ANAPC10: variants seen among roughly 807,000 people sequenced by gnomAD.
ANAPC10 encodes the protein anaphase-promoting complex subunit 10.
ANAPC10 carries 12 observed loss-of-function variants against 22.0 expected under a neutral mutation model. The ratio of observed to expected loss-of-function variants is 0.55; its 90% confidence interval spans 0.35 to 0.88. The LOEUF (loss-of-function observed/expected upper bound fraction) is 0.88. Ranked by LOEUF, ANAPC10 falls within the 40% of genes least tolerant of loss-of-function variation. The pLI is 0.01. For missense variants in ANAPC10, 188 were observed against 220.9 expected, an observed-to-expected ratio of 0.85 and a Z score of 0.94; for synonymous variants, 65 against 69.5, an observed-to-expected ratio of 0.94 and a Z score of 0.32.
At chr4:145,036,319 G>A (rs1399988146) in intron 4 of ANAPC10, among the ~76,000 whole-genome samples, 11 of 152,072 alleles carry the variant, frequency 7.2e-5, no homozygotes, top group East Asian at 1.9e-4. Context: ...ATATAGATAC[G>A]TACACGTTAT....
intron 3 of ANAPC10, among the ~76,000 whole-genome samples, chr4:145,072,790 T>C (rs978811127): frequency 1.3e-5 from 2 of 152,194 alleles, no homozygotes; most frequent in East Asian, 3.8e-4. Flanking sequence ...TAATTCAATA[T>C]GTAGGTGACT....
At chr4:145,054,241 C>T (rs949135119) in intron 4 of ANAPC10, among the ~76,000 whole-genome samples, 1 of 150,984 alleles carries the variant, frequency 6.6e-6, no homozygotes, top group Admixed American at 6.6e-5. Context: ...ACATGTTAGT[C>T]GCCAGAAATA....
intron 4 of ANAPC10, among the ~76,000 whole-genome samples, chr4:145,025,421 A>T (rs1321242347): frequency 6.7e-6 from 1 of 149,416 alleles, no homozygotes; most frequent in African/African-American, 2.5e-5. Flanking sequence ...ACACTTAGAG[A>T]CCATTGTCAA....
chr4:145,075,812 C>G (rs1036753978), intron 3 of ANAPC10, among the ~76,000 whole-genome samples: 27 of 152,102 alleles, frequency 1.8e-4, no homozygotes, highest in African/African-American at 5.3e-4. Flanking sequence ...CTGTGTGGAG[C>G]CCAGAGGGTT....
rs1185249217 is a variant in ANAPC10 at position 144,994,776 on chromosome 4, C to G, written c.*597G>C. 1 of 152,010 alleles carries G rather than the reference C, an allele frequency of 6.6e-6. No homozygotes were observed. Among genetic ancestry groups the G allele is most frequent in the Non-Finnish European group, 1.5e-5 (1 of 68,008 alleles). 9.4% of individuals were successfully genotyped at this position (152,010 alleles called of 1,614,324 possible). On this transcript the variant is annotated 3_prime_UTR_variant, in exon 5 of 5. Transcript: ENST00000507656. ...ATAATATCATTAGGATACAGACAAC[C>G]CTAGGGCTGTAAGTATTCCGTGAAG...
intron 2 of ANAPC10, among the ~76,000 whole-genome samples, chr4:145,091,548 C>T (rs902204723): frequency 1.3e-5 from 2 of 152,116 alleles, no homozygotes; most frequent in Non-Finnish European, 2.9e-5. Flanking sequence ...GAAATCACCG[C>T]TACAGTATTC....
intron 4 of ANAPC10, among the ~76,000 whole-genome samples, chr4:145,001,907 CA>C (rs1348231539): frequency 2.6e-5 from 4 of 151,936 alleles, no homozygotes; most frequent in Admixed American, 2.6e-4. Flanking sequence ...GCAGCATAAA[CA>C]AAGCTTACAT....
At chr4:145,046,353 G>C (rs1039543273) in intron 4 of ANAPC10, among the ~76,000 whole-genome samples, 6 of 151,892 alleles carry the variant, frequency 4.0e-5, no homozygotes, top group African/African-American at 1.5e-4. Flanking sequence ...AAAGTATAAG[G>C]GCTAAGAAGT....
chr4:145,096,162 C>T (rs1481420587), intron 1 of ANAPC10, 51 bp from the exon 2 acceptor site: 4 of 1,573,098 alleles, frequency 2.5e-6, no homozygotes, highest in Non-Finnish European at 3.4e-6. Context: ...GGGCATCTTT[C>T]TACAAAAGTT....
chr4:145,017,007 C>T (rs1337956251), intron 4 of ANAPC10, among the ~76,000 whole-genome samples: 6 of 152,124 alleles, frequency 3.9e-5, no homozygotes, highest in African/African-American at 1.4e-4. Flanking sequence ...AGACCTAAAC[C>T]CATAAAAACC....
chr4:145,068,317 G>T (rs990641653), intron 3 of ANAPC10, among the ~76,000 whole-genome samples: 1 of 152,142 alleles, frequency 6.6e-6, no homozygotes, highest in Non-Finnish European at 1.5e-5. Flanking sequence ...TACACATCTA[G>T]TAAAGCACAG....
intron 4 of ANAPC10, among the ~76,000 whole-genome samples, chr4:145,000,946 A>G (rs1351002483): frequency 6.6e-6 from 1 of 152,144 alleles, no homozygotes; most frequent in African/African-American, 2.4e-5. Context: ...TCGCAAGGAC[A>G]GAAAACCAAA....
intron 4 of ANAPC10, among the ~76,000 whole-genome samples, chr4:145,026,945 A>ATATATATATATG (rs1287102797): frequency 1.9e-3 from 32 of 17,152 alleles, no homozygotes; most frequent in East Asian, 6.1e-3. Flanking sequence ...ATATATATAT[A>ATATATATATATG]TGTGTGTGTG....
intron 3 of ANAPC10, among the ~76,000 whole-genome samples, chr4:145,072,595 C>T (rs1001418739): frequency 1.3e-5 from 2 of 152,014 alleles, no homozygotes; most frequent in African/African-American, 4.8e-5. Flanking sequence ...GAACCCTGAA[C>T]TTATATAATA....
At position 145,088,329 on chromosome 4, in the gene ANAPC10, C is replaced by G. The variant is rs572356693; in HGVS notation, c.116-6579G>C. 4.5e-3 allele frequency among the ~76,000 whole-genome samples: 689 copies of G among 152,278 alleles called. 3 individuals are homozygous for G. Among genetic ancestry groups the G allele is most frequent in the African/African-American group, 0.015 (643 of 41,544 alleles). ...ACTGATGACCTTCAAATTTGTATCT[C>G]CAACCCAGAACTTCAAGCAGAGCTC... On this transcript the variant is annotated intron_variant, in intron 2 of 4. Coordinates refer to ENST00000507656, the MANE Select transcript of ANAPC10 (RefSeq NM_001256706.2).
At chr4:145,043,919 T>C (rs1739894027) in intron 4 of ANAPC10, among the ~76,000 whole-genome samples, 1 of 152,116 alleles carries the variant, frequency 6.6e-6, no homozygotes. Flanking sequence ...ACTTGCTTTC[T>C]TTAATAAAAG....
chr4:145,018,122 A>T lies in ANAPC10; in HGVS notation c.328-22519T>A, dbSNP rs1051845830. Among the ~76,000 whole-genome samples the T allele has an allele frequency of 1.7e-3, 133 of 79,164 alleles. 1 individual carries two copies. The highest frequency in any genetic ancestry group is 2.7e-3 in the African/African-American group (91 of 33,898). The allele number at this position is 79,164 out of a possible 152,430, so 51.9% of individuals were successfully genotyped here. On this transcript the variant is annotated intron_variant, in intron 4 of 4. Coordinates refer to ENST00000507656, the MANE Select transcript of ANAPC10 (RefSeq NM_001256706.2). Reference sequence around the variant, plus strand: ...CCCTAGAACTTAGAGTATAATAAAAAAAATATATATATATATAAATAAAAT... The same window carrying T: ...CCCTAGAACTTAGAGTATAATAAAATAAATATATATATATATAAATAAAAT...
At chr4:145,055,297 C>T (rs1347900001) in intron 4 of ANAPC10, among the ~76,000 whole-genome samples, 5 of 152,186 alleles carry the variant, frequency 3.3e-5, no homozygotes, top group Non-Finnish European at 7.3e-5. Flanking sequence ...GTAGCTCAGG[C>T]CTGTAATCCC....
intron 4 of ANAPC10, among the ~76,000 whole-genome samples, chr4:144,997,416 G>C (rs1248260326): frequency 6.6e-6 from 1 of 152,228 alleles, no homozygotes; most frequent in Non-Finnish European, 1.5e-5. Flanking sequence ...AGCCAGAAGA[G>C]AGTGGGGGCC....
Sources: gnomAD v4.1 joint callset for allele counts (sites outside exome capture counted in the v4.1 genomes callset) on GRCh38, gnomAD v4.1.1 for gene constraint, MANE v1.5 for transcripts, NCBI Gene and HGNC (gene_info 2026-07-23, HGNC 2026-07-21) for gene names.